Variants in KSR2 observed in about 807,000 individuals in gnomAD.
KSR2 encodes the protein kinase suppressor of ras 2.
KSR2 carries 25 observed loss-of-function variants against 107.8 expected under a neutral mutation model. That is an observed-to-expected ratio of 0.23 (90% CI 0.17 to 0.32). The LOEUF (loss-of-function observed/expected upper bound fraction) is 0.32, where lower values mean the gene tolerates loss of function less well. KSR2 is among the 10% of genes least tolerant of loss of function. The pLI is 1.00. For synonymous variants in KSR2, 480 were observed against 507.0 expected (o/e 0.95, Z 0.71); for missense variants, 887 against 1,268.9 (o/e 0.70, Z 4.57).
At chr12:117,793,577 TTACACCAATATGCACACA>T (rs1365146318) in intron 3 of KSR2, among the ~76,000 whole-genome samples, 2 of 103,852 alleles carry the variant, frequency 1.9e-5, no homozygotes, top group African/African-American at 8.0e-5. Flanking sequence ...GCACACACCT[TTACACCAATATGCACACA>T]TACACCAACA....
intron 3 of KSR2, among the ~76,000 whole-genome samples, chr12:117,789,433 C>G (rs973790929): frequency 6.6e-6 from 1 of 152,298 alleles, no homozygotes; most frequent in East Asian, 1.9e-4. Flanking sequence ...TGAGATGCTT[C>G]CACCTCTGTT....
chr12:117,482,202 T>C (rs1872211902), intron 16 of KSR2, among the ~76,000 whole-genome samples: 1 of 151,708 alleles, frequency 6.6e-6, no homozygotes, highest in Non-Finnish European at 1.5e-5. Context: ...AGCAGGGAGA[T>C]GAGAGAGACC....
At chr12:117,788,050 G>C (rs973747600) in intron 3 of KSR2, among the ~76,000 whole-genome samples, 1 of 152,268 alleles carries the variant, frequency 6.6e-6, no homozygotes, top group African/African-American at 2.4e-5. Flanking sequence ...GTCTTGGAAA[G>C]AGATGGAGAA....
At chr12:117,721,302 G>A (rs1887195466) in intron 4 of KSR2, among the ~76,000 whole-genome samples, 1 of 152,082 alleles carries the variant, frequency 6.6e-6, no homozygotes, top group Admixed American at 6.6e-5. Context: ...TAGAAATGTG[G>A]GTAAATGCTT....
chr12:117,587,582 G>T (rs1487246233), intron 5 of KSR2, among the ~76,000 whole-genome samples: 1 of 152,110 alleles, frequency 6.6e-6, no homozygotes, highest in African/African-American at 2.4e-5. Flanking sequence ...GTTTTCAGCC[G>T]CTGAGTTGGT....
chr12:117,751,968 C>T (rs1888627664), intron 4 of KSR2, among the ~76,000 whole-genome samples: 1 of 152,128 alleles, frequency 6.6e-6, no homozygotes, highest in Non-Finnish European at 1.5e-5. Flanking sequence ...TATTAGAGAT[C>T]CTTGTAATAA....
intron 3 of KSR2, among the ~76,000 whole-genome samples, chr12:117,846,991 C>G (rs990404380): frequency 6.6e-6 from 1 of 152,230 alleles, no homozygotes; most frequent in Non-Finnish European, 1.5e-5. Flanking sequence ...TGCGCCTAAG[C>G]GCGTTCGCAT....
intron 10 of KSR2, 46 bp downstream of exon 10, chr12:117,539,673 C>A (rs777857272): frequency 1.3e-5 from 20 of 1,523,970 alleles, no homozygotes; most frequent in African/African-American, 2.8e-5. Context: ...CTAATCTCTG[C>A]CCCTCCAACG....
intron 1 of KSR2, among the ~76,000 whole-genome samples, chr12:117,896,230 G>C (rs1025131406): frequency 6.6e-6 from 1 of 152,164 alleles, no homozygotes; most frequent in African/African-American, 2.4e-5. Flanking sequence ...CTACAACATA[G>C]ATGAGCCTCA....
At chr12:117,882,819 A>G (rs1243263768) in intron 1 of KSR2, among the ~76,000 whole-genome samples, 1 of 151,600 alleles carries the variant, frequency 6.6e-6, no homozygotes, top group Non-Finnish European at 1.5e-5. Flanking sequence ...TTATTCATCC[A>G]TCCATCTATT....
rs574452746 is a variant in KSR2, at chr12:117,764,428, T to C, written c.473-2904A>G. On this transcript the variant is annotated intron_variant, in intron 3 of 19. Coordinates refer to ENST00000339824, the MANE Select transcript of KSR2 (RefSeq NM_173598.6). ...TGATGCAAAGAGATGAAGATCTGCT[T>C]AAGGTCACAAGAGAGATGGTAACTG... 2.6e-5 allele frequency among the ~76,000 whole-genome samples: 4 copies of C among 152,262 alleles called. No individual in the cohort carries two copies. The South Asian group carries it at 8.3e-4, about 32-fold the overall frequency.
intron 5 of KSR2, 81 bp from the exon 6 acceptor site, chr12:117,582,440 G>C (rs1879725275): frequency 9.7e-7 from 1 of 1,036,138 alleles, no homozygotes; most frequent in East Asian, 2.4e-5. Context: ...AGGAAAAGGG[G>C]GGCTCGTCAC....
intron 5 of KSR2, among the ~76,000 whole-genome samples, chr12:117,582,794 A>G (rs1282035454): frequency 6.6e-6 from 1 of 152,234 alleles, no homozygotes; most frequent in Non-Finnish European, 1.5e-5. Flanking sequence ...GAAGCCGCAC[A>G]GCAGCTGTGA....
chr12:117,603,686 T>C (rs1881079683), intron 5 of KSR2, among the ~76,000 whole-genome samples: 1 of 152,040 alleles, frequency 6.6e-6, no homozygotes, highest in South Asian at 2.1e-4. Context: ...AAATGAGAAA[T>C]AAAAAGAAAA....
chr12:117,687,084 C>T (rs1885603745), intron 4 of KSR2, among the ~76,000 whole-genome samples: 1 of 152,152 alleles, frequency 6.6e-6, no homozygotes, highest in East Asian at 1.9e-4. Context: ...CTTATCCACC[C>T]TCAAAGCGGC....
At chr12:117,899,747 A>G (rs1160078577) in intron 1 of KSR2, among the ~76,000 whole-genome samples, 1 of 152,232 alleles carries the variant, frequency 6.6e-6, no homozygotes, top group Non-Finnish European at 1.5e-5. Context: ...TATCACTCCC[A>G]TAATTACAAC....
intron 5 of KSR2, among the ~76,000 whole-genome samples, chr12:117,584,968 C>G (rs930192987): frequency 6.6e-6 from 1 of 152,196 alleles, no homozygotes. Context: ...AGCCCCCGCA[C>G]CCCCGTTCTC....
chr12:117,909,588 A>G (rs1894955106), intron 1 of KSR2, among the ~76,000 whole-genome samples: 1 of 152,106 alleles, frequency 6.6e-6, no homozygotes, highest in African/African-American at 2.4e-5. Flanking sequence ...ATCTTTTTCC[A>G]ATTCTTTTTC....
At chr12:117,695,266 T>C (rs1886005783) in intron 4 of KSR2, among the ~76,000 whole-genome samples, 1 of 152,110 alleles carries the variant, frequency 6.6e-6, no homozygotes, top group African/African-American at 2.4e-5. Flanking sequence ...TACAGAGCTT[T>C]AGTTTGGGAA....
Sources: allele counts gnomAD v4.1 joint callset (sites outside exome capture counted in the v4.1 genomes callset), GRCh38; gene constraint gnomAD v4.1.1; transcripts MANE v1.5; gene names NCBI Gene and HGNC (gene_info 2026-07-23, HGNC 2026-07-21).